ZNF496: variants seen among roughly 807,000 people sequenced by gnomAD.
The protein encoded by ZNF496 is zinc finger protein 496.
A neutral mutation model predicts 58.9 loss-of-function variants in ZNF496; 11 were observed. The observed-to-expected ratio is 0.19, with a 90% CI of 0.12 to 0.31. ZNF496 has a LOEUF of 0.31. ZNF496 is among the 10% of genes least tolerant of loss of function. ZNF496 has a pLI of 1.00. For missense variants in ZNF496, 660 were observed against 783.0 expected (o/e 0.84, Z 1.88); for synonymous variants, 338 against 318.2 (o/e 1.06, Z -0.66).
Position 247,301,286 on chromosome 1 carries a change from G to A in ZNF496, c.1007-10C>T. 2 of 1,507,550 alleles carry A rather than the reference G, an allele frequency of 1.3e-6. No individual in the cohort carries two copies. The highest frequency in any genetic ancestry group is 1.8e-6 in the Non-Finnish European group (2 of 1,132,758). 93.4% of individuals were successfully genotyped at this position (1,507,550 alleles called of 1,614,324 possible). A position where few individuals can be genotyped will look rare whatever the true frequency, so the allele number is the denominator to read the frequency against. ...CGCGGGTTGCCGCCAGCTACAGGAAGGCAACATGCAGGTCAGCGACGCTGC... is the reference window on the plus strand; with the variant it reads ...CGCGGGTTGCCGCCAGCTACAGGAAAGCAACATGCAGGTCAGCGACGCTGC... On this transcript the variant is annotated splice_polypyrimidine_tract_variant and intron_variant, in intron 9 of 9. Transcript: ENST00000682384.
Position 247,329,500 on chromosome 1 carries a change from C to T in ZNF496, c.79G>A (p.Glu27Lys). 2.5e-6 allele frequency: 4 copies of T among 1,591,588 alleles called. No individual in the cohort carries two copies. The highest frequency in any genetic ancestry group is 2.6e-6 in the Non-Finnish European group (3 of 1,172,382). The change falls in exon 4 of 10, where the codon GAG becomes AAG. Residue 27 changes from glutamate (E) to lysine (K), a missense_variant. By Grantham distance (56) the Glu-to-Lys change is moderately conservative. Coordinates refer to ENST00000682384, the MANE Select transcript of ZNF496 (RefSeq NM_032752.3). This position sits in a 1 kb window ranked among gnomAD's most constrained non-coding sequence, Gnocchi z 5.5. ...AGCTCCCCCTGGGGGCTAGGGTTCT[C>T]TCCAGGTGGGCTCCTCATTTTCCTG... The part of the protein sequence containing the change: ...EPRKMRSPPG[E>K]NPSPQGELPS...
At position 247,299,231 on chromosome 1, in the gene ZNF496, C is replaced by A. The variant is rs1051630764; in HGVS notation, c.*1288G>T. The A allele has an allele frequency of 6.6e-6, 1 of 152,196 alleles. No individual in the cohort carries two copies. The highest frequency in any genetic ancestry group is 6.5e-5 in the Admixed American group (1 of 15,282). 9.4% of individuals were successfully genotyped at this position (152,196 alleles called of 1,614,324 possible). ...TGCTGCGGATACAGATGAGGTTATA[C>A]TGGAGTCGGTGGGATGGGCTCTAAT... On this transcript the variant is annotated 3_prime_UTR_variant, in exon 10 of 10. Coordinates refer to ENST00000682384, the MANE Select transcript of ZNF496 (RefSeq NM_032752.3).
chr1:247,316,241 G>A (rs979578319), intron 6 of ZNF496, among the ~76,000 whole-genome samples: 3 of 145,210 alleles, frequency 2.1e-5, no homozygotes, highest in East Asian at 2.0e-4. Context: ...GTGTGTGAGC[G>A]CGCGCAGTGG....
At chr1:247,322,922 G>C (rs1660006901) in intron 6 of ZNF496, 1 of 796,492 alleles carries the variant, frequency 1.3e-6, no homozygotes, top group African/African-American at 1.7e-5. Context: ...TCTGCACAAA[G>C]CTTCCTGAAG....
In ZNF496 at chr1:247,309,371, G is replaced by A; in HGVS notation, c.892+328C>T. 1 of 1,144,912 alleles carries A rather than the reference G, an allele frequency of 8.7e-7. No homozygotes were observed. The highest frequency in any genetic ancestry group is 1.1e-6 in the Non-Finnish European group (1 of 928,448). 70.9% of individuals were successfully genotyped at this position (1,144,912 alleles called of 1,614,324 possible). On this transcript the variant is annotated intron_variant, in intron 8 of 9. Transcript: ENST00000682384. This position sits in a 1 kb window ranked among gnomAD's most constrained non-coding sequence, Gnocchi z 4.3. ...AGACACTCCCTCTGCAACTAGGCTT[G>A]TCATGAGTATCTGACTTCACTCCTG...
At chr1:247,319,138 T>C (rs967397338) in intron 6 of ZNF496, among the ~76,000 whole-genome samples, 1 of 152,136 alleles carries the variant, frequency 6.6e-6, no homozygotes, top group Non-Finnish European at 1.5e-5. Flanking sequence ...CACACCACCA[T>C]TCCCAGCTAA....
rs1293273255 is a variant in ZNF496, at chr1:247,309,109, TG to T, written c.893-522del. 1.8e-5 allele frequency: 3 copies of T among 169,070 alleles called. No individual in the cohort carries two copies. The highest frequency in any genetic ancestry group is 7.2e-5 in the African/African-American group (3 of 41,658). The allele number at this position is 169,070 out of a possible 1,614,324, so 10.5% of individuals were successfully genotyped here. A position where few individuals can be genotyped will look rare whatever the true frequency, so the allele number is the denominator to read the frequency against. ...AAAGGGGAAGAAGGTGTGGAGCTGC[TG>T]ATGATTCTGTACAAAGCTATTTCCT... On this transcript the variant is annotated intron_variant, in intron 8 of 9. Transcript: ENST00000682384. The surrounding 1 kb of genome is among the most constrained non-coding windows in gnomAD (Gnocchi z 4.3).
intron 2 of ZNF496, among the ~76,000 whole-genome samples, chr1:247,330,355 G>A (rs560646872): frequency 2.6e-5 from 4 of 152,126 alleles, no homozygotes; most frequent in Non-Finnish European, 4.4e-5. Flanking sequence ...CTTCAACCTC[G>A]CCTCCACCCT....
chr1:247,315,156 T>C (rs1280060680), intron 6 of ZNF496, among the ~76,000 whole-genome samples: 2 of 133,968 alleles, frequency 1.5e-5, no homozygotes. Context: ...GATGTTAATA[T>C]AAAAAAAAAA....
In ZNF496 at chr1:247,300,707, C is replaced by T. The variant is rs1384007133; in HGVS notation, c.1576G>A (p.Glu526Lys). 6.2e-7 allele frequency: 1 copy of T among 1,614,080 alleles called. No homozygotes were observed. The highest frequency in any genetic ancestry group is 1.7e-5 in the Admixed American group (1 of 60,018). The change falls in exon 10 of 10, where the codon GAG becomes AAG. Residue 526 changes from glutamate (E) to lysine (K), a missense_variant. By Grantham distance (56) the Glu-to-Lys change is moderately conservative (BLOSUM62 1). Transcript: ENST00000682384. This position sits in a 1 kb window ranked among gnomAD's most constrained non-coding sequence, Gnocchi z 5.7. The part of the protein sequence containing the change: ...GKAKLSFQCC[E>K]CGKAFQRHDH... ...TGCCGCTGGAAGGCCTTCCCACACT[C>T]ACAGCACTGGAAGCTCAGTTTGGCC...
chr1:247,322,862 G>T, intron 6 of ZNF496: 1 of 1,143,458 alleles, frequency 8.7e-7, no homozygotes, highest in Non-Finnish European at 1.2e-6. Flanking sequence ...ACTTAGACAT[G>T]CTGAGAGGCC....
rs747796666 is a variant in ZNF496, at chr1:247,308,100, G to A, written c.1006+375C>T. 21 of 866,320 alleles carry A rather than the reference G, an allele frequency of 2.4e-5. No individual in the cohort carries two copies. Among genetic ancestry groups the A allele is most frequent in the Non-Finnish European group, 2.9e-5 (21 of 721,362 alleles). 53.7% of individuals were successfully genotyped at this position (866,320 alleles called of 1,614,324 possible). A position where few individuals can be genotyped will look rare whatever the true frequency, so the allele number is the denominator to read the frequency against. The stretch of plus-strand genomic sequence containing the variant: ...CACCCTGCTTTGACACACCCTCCCC[G>A]GCCCCTGGGAAAGGCAAGGAGGGTG... On this transcript the variant is annotated intron_variant, in intron 9 of 9. Transcript: ENST00000682384. This position sits in a 1 kb window ranked among gnomAD's most constrained non-coding sequence, Gnocchi z 4.5.
At chr1:247,314,119 G>A (rs749644355) in intron 6 of ZNF496, among the ~76,000 whole-genome samples, 10 of 152,148 alleles carry the variant, frequency 6.6e-5, no homozygotes, top group Non-Finnish European at 1.2e-4. Context: ...GAGTGCAGTG[G>A]CACAACCACA....
chr1:247,300,891 C>A lies in ZNF496; in HGVS notation c.1392G>T (p.Arg464=). 2 of 1,612,218 alleles carry A rather than the reference C, an allele frequency of 1.2e-6. No individual in the cohort carries two copies. Among genetic ancestry groups the A allele is most frequent in the Non-Finnish European group, 1.7e-6 (2 of 1,178,938 alleles). ...GGAAGCTCTTCCCGCAGGCACCACA[C>A]CGGTAAGGCTTCTGGGCCTCGTGGC... ...LESHEAQKPY[R]CGACGKSFRL... Residue 464 remains arginine, a synonymous_variant, in exon 10 of 10, where the codon CGG becomes CGT. Coordinates refer to ENST00000682384, the MANE Select transcript of ZNF496 (RefSeq NM_032752.3). The surrounding 1 kb of genome is among the most constrained non-coding windows in gnomAD (Gnocchi z 5.7).
chr1:247,306,804 G>A (rs1659431298), intron 9 of ZNF496, among the ~76,000 whole-genome samples: 1 of 152,140 alleles, frequency 6.6e-6, no homozygotes, highest in Admixed American at 6.6e-5. Flanking sequence ...CCCAGCCTGA[G>A]TTCAAATCTT....
At chr1:247,326,007 G>C (rs1660106083) in intron 5 of ZNF496, among the ~76,000 whole-genome samples, 1 of 150,406 alleles carries the variant, frequency 6.6e-6, no homozygotes, top group Non-Finnish European at 1.5e-5. Flanking sequence ...TTGGGAGGCT[G>C]AGACATATGT....
Position 247,309,768 on chromosome 1 carries a change from C to G in ZNF496, c.823G>C (p.Glu275Gln). 1 of 1,614,180 alleles carries G rather than the reference C, an allele frequency of 6.2e-7. No homozygotes were observed. Among genetic ancestry groups the G allele is most frequent in the Non-Finnish European group, 8.5e-7 (1 of 1,180,034 alleles). Residue 275 changes from glutamate to glutamine, a missense_variant, in exon 8 of 10, where the codon GAG (glutamate) becomes CAG (glutamine). Coordinates refer to ENST00000682384, the MANE Select transcript of ZNF496 (RefSeq NM_032752.3). The surrounding 1 kb of genome is among the most constrained non-coding windows in gnomAD (Gnocchi z 4.3). ...AACTCTGGAACGCGTGGCTCATTCT[C>G]CTCTCCCTGGGAGAGATCTGGCTGG... ...AAQPDLSQGE[E>Q]NEPRVPELQD...
chr1:247,326,065 T>TAA (rs1558158030), intron 5 of ZNF496, among the ~76,000 whole-genome samples: 2 of 134,632 alleles, frequency 1.5e-5, no homozygotes, highest in African/African-American at 5.4e-5. Flanking sequence ...CACACACACA[T>TAA]ATATACACAC....
At position 247,329,166 on chromosome 1, in the gene ZNF496, C is replaced by T. The variant is rs766676223; in HGVS notation, c.390+23G>A. The T allele has an allele frequency of 1.9e-6, 3 of 1,613,084 alleles. No individual in the cohort carries two copies. The highest frequency in any genetic ancestry group is 2.5e-6 in the Non-Finnish European group (3 of 1,180,008). ...TCTAAGTACCAGATCTCTACCCGTC[C>T]CAGCCCCACCTCTTCTACTCACCCA... On this transcript the variant is annotated intron_variant, in intron 4 of 9. Coordinates refer to ENST00000682384, the MANE Select transcript of ZNF496 (RefSeq NM_032752.3). This position sits in a 1 kb window ranked among gnomAD's most constrained non-coding sequence, Gnocchi z 5.5.
Sources: gnomAD v4.1 joint callset for allele counts (sites outside exome capture counted in the v4.1 genomes callset) on GRCh38, gnomAD v4.1.1 for gene constraint, Gnocchi (gnomAD v3.1) non-coding constraint, MANE v1.5 for transcripts, NCBI Gene and HGNC (gene_info 2026-07-23, HGNC 2026-07-21) for gene names.